Variants in PPP6R3 observed in about 807,000 individuals in gnomAD.
PPP6R3 encodes the protein protein phosphatase 6 regulatory subunit 3, also known as serine/threonine-protein phosphatase 6 regulatory subunit 3.
A neutral mutation model predicts 110.7 loss-of-function variants in PPP6R3; 38 were observed. The ratio of observed to expected loss-of-function variants is 0.34; its 90% CI spans 0.26 to 0.45. PPP6R3 has a LOEUF of 0.45. PPP6R3 is among the 20% of genes least tolerant of loss of function. PPP6R3 has a pLI of 1.00. For synonymous variants in PPP6R3, 369 were observed against 373.5 expected, an observed-to-expected ratio of 0.99 and a Z score of 0.14; for missense variants, 870 against 1,062.4, an observed-to-expected ratio of 0.82 and a Z score of 2.52.
chr11:68,594,381 G>A (rs1232097933), intron 18 of PPP6R3, among the ~76,000 whole-genome samples: 1 of 150,568 alleles, frequency 6.6e-6, no homozygotes, highest in Admixed American at 6.6e-5. Flanking sequence ...ATATGACTGG[G>A]CATGGTGGCT....
At chr11:68,534,267 T>G (rs1003772283) in intron 2 of PPP6R3, among the ~76,000 whole-genome samples, 3 of 152,344 alleles carry the variant, frequency 2.0e-5, no homozygotes, top group Non-Finnish European at 4.4e-5. Flanking sequence ...TTTTATTTCC[T>G]GTGGAACAAA....
rs116024446 is a variant in PPP6R3 at position 68,546,968 on chromosome 11, A to G, written c.415-1099A>G. On this transcript the variant is annotated intron_variant, in intron 4 of 23. Transcript: ENST00000393800. ...ATTGTGAGTGAATTATTTATGTGTC[A>G]TATCATTTCTTGAAGTTTTATATCA... Among the ~76,000 whole-genome samples, 1,188 of 152,300 alleles carry G rather than the reference A, an allele frequency of 7.8e-3. 17 individuals are homozygous for G. The highest frequency in any genetic ancestry group is 0.027 in the African/African-American group (1,123 of 41,534).
At chr11:68,488,263 C>A (rs1048947766) in intron 1 of PPP6R3, among the ~76,000 whole-genome samples, 4 of 152,052 alleles carry the variant, frequency 2.6e-5, no homozygotes, top group African/African-American at 9.7e-5. Context: ...TGCTCTATAG[C>A]CCAGGCTGCA....
At chr11:68,504,223 T>C (rs2099063337) in intron 1 of PPP6R3, among the ~76,000 whole-genome samples, 1 of 152,166 alleles carries the variant, frequency 6.6e-6, no homozygotes, top group African/African-American at 2.4e-5. Context: ...AAATTGTTTT[T>C]TTTTTCTTAC....
At position 68,614,852 on chromosome 11, in the gene PPP6R3, G is replaced by A. The variant is rs746919664; in HGVS notation, c.*1735G>A. On this transcript the variant is annotated 3_prime_UTR_variant, in exon 24 of 24. Coordinates refer to ENST00000393800, the MANE Select transcript of PPP6R3 (RefSeq NM_001164161.2). ...CTCAGGGCTGCCTGACTTGAATGGC[G>A]TTGGACCTCGGGGATTACTGGTAGA... 6.6e-5 allele frequency: 72 copies of A among 1,091,162 alleles called. No individual in the cohort carries two copies. The highest frequency in any genetic ancestry group is 1.2e-4 in the African/African-American group (8 of 64,206). The allele number at this position is 1,091,162 out of a possible 1,614,324, so 67.6% of individuals were successfully genotyped here.
In PPP6R3 at chr11:68,609,714, C is replaced by T. The variant is rs2153972910; in HGVS notation, c.2451-190C>T. On this transcript the variant is annotated intron_variant, in intron 22 of 23. Transcript: ENST00000393800. ...TTTTGGTTCCCACCTGTGTGCGACCCTTTCCTTTTGTGATTCCCCAGTCAC... is the reference window on the plus strand; with the variant it reads ...TTTTGGTTCCCACCTGTGTGCGACCTTTTCCTTTTGTGATTCCCCAGTCAC... 2.5e-6 allele frequency: 4 copies of T among 1,575,300 alleles called. No homozygotes were observed. In the Admixed American group the frequency reaches 6.8e-5, roughly 27 times the overall value.
At chr11:68,493,919 G>A (rs889488526) in intron 1 of PPP6R3, among the ~76,000 whole-genome samples, 3 of 150,734 alleles carry the variant, frequency 2.0e-5, no homozygotes, top group Admixed American at 6.6e-5. Context: ...TGGCTAACAC[G>A]GTATAACCCC....
chr11:68,551,708 T>G (rs908262211), intron 6 of PPP6R3, among the ~76,000 whole-genome samples: 6 of 152,108 alleles, frequency 3.9e-5, no homozygotes, highest in African/African-American at 1.4e-4. Flanking sequence ...AGGCTGGTCT[T>G]GAACTCCTGA....
chr11:68,483,846 G>C (rs2153396428), intron 1 of PPP6R3, among the ~76,000 whole-genome samples: 1 of 152,312 alleles, frequency 6.6e-6, no homozygotes, highest in Middle Eastern at 3.4e-3. Context: ...CATACAGAAT[G>C]GTTTCACTGC....
At chr11:68,574,571 A>G (rs965235010) in intron 13 of PPP6R3, among the ~76,000 whole-genome samples, 2 of 152,206 alleles carry the variant, frequency 1.3e-5, no homozygotes, top group Non-Finnish European at 2.9e-5. Flanking sequence ...GAGCCACTTC[A>G]GCTATAATTT....
At chr11:68,462,896 A>G (rs1278369962) in intron 1 of PPP6R3, among the ~76,000 whole-genome samples, 1 of 152,196 alleles carries the variant, frequency 6.6e-6, no homozygotes, top group Non-Finnish European at 1.5e-5. Context: ...GTGGAACTTA[A>G]GGACAGGAAG....
chr11:68,498,077 T>C (rs1443453700), intron 1 of PPP6R3, among the ~76,000 whole-genome samples: 4 of 152,210 alleles, frequency 2.6e-5, no homozygotes, highest in Non-Finnish European at 5.9e-5. Flanking sequence ...CTTTGGACAT[T>C]ATTATATATG....
At chr11:68,600,825 T>C (rs1257082040) in intron 20 of PPP6R3, among the ~76,000 whole-genome samples, 1 of 152,106 alleles carries the variant, frequency 6.6e-6, no homozygotes, top group African/African-American at 2.4e-5. Flanking sequence ...AGGACAGAAT[T>C]GAGGAGAAGA....
chr11:68,514,106 C>G (rs1409227485), intron 1 of PPP6R3, among the ~76,000 whole-genome samples: 1 of 152,212 alleles, frequency 6.6e-6, no homozygotes, highest in African/African-American at 2.4e-5. Flanking sequence ...CTTTGTCACC[C>G]AGGCTGGAGT....
chr11:68,493,429 A>G (rs529483192), intron 1 of PPP6R3, among the ~76,000 whole-genome samples: 1 of 151,742 alleles, frequency 6.6e-6, no homozygotes, highest in South Asian at 2.1e-4. Context: ...AGGTGCTGCC[A>G]TTTTTAATTT....
chr11:68,576,179 A>G, intron 14 of PPP6R3, 136 bp downstream of exon 14: 2 of 616,670 alleles, frequency 3.2e-6, no homozygotes, highest in South Asian at 4.6e-5. Context: ...TTTACCAGGG[A>G]GAGAGGTCAG....
intron 8 of PPP6R3, among the ~76,000 whole-genome samples, chr11:68,559,951 C>T (rs1409763613): frequency 2.0e-5 from 3 of 147,942 alleles, no homozygotes; most frequent in African/African-American, 7.5e-5. Context: ...GGTACGGTGC[C>T]CTCTTCCCAC....
intron 15 of PPP6R3, among the ~76,000 whole-genome samples, chr11:68,583,548 A>T (rs2099569277): frequency 6.6e-6 from 1 of 152,220 alleles, no homozygotes; most frequent in Non-Finnish European, 1.5e-5. Context: ...CCCTGATGTA[A>T]GTTCTATTAT....
In PPP6R3 at chr11:68,478,331, G is replaced by A. The variant is rs111745307; in HGVS notation, c.-158+17504G>A. On this transcript the variant is annotated intron_variant, in intron 1 of 23. Transcript: ENST00000393800. ...GTTGAGATTTAGAGGTGTGAGCCCCGTTGCCCAAGCAAGTTAAGAATTTTA... is the reference window on the plus strand; with the variant it reads ...GTTGAGATTTAGAGGTGTGAGCCCCATTGCCCAAGCAAGTTAAGAATTTTA... 4.2e-3 allele frequency among the ~76,000 whole-genome samples: 634 copies of A among 152,248 alleles called. 2 individuals carry two copies. Among genetic ancestry groups the A allele is most frequent in the African/African-American group, 0.015 (604 of 41,546 alleles).
Sources: allele counts gnomAD v4.1 joint callset (sites outside exome capture counted in the v4.1 genomes callset), GRCh38; gene constraint gnomAD v4.1.1; transcripts MANE v1.5; gene names NCBI Gene and HGNC (gene_info 2026-07-23, HGNC 2026-07-21).